NRG1: variants seen among roughly 807,000 people sequenced by gnomAD.
NRG1 encodes pro-neuregulin-1, membrane-bound isoform.
In NRG1, 18 loss-of-function variants were observed where a neutral mutation model predicts 63.8. The observed-to-expected ratio is 0.28, with a 90% CI of 0.19 to 0.42. The LOEUF is 0.42. Among genes scored for constraint, NRG1 ranks in the 10% least tolerant of loss-of-function variants. The pLI, the probability that NRG1 is intolerant of heterozygous loss-of-function variation, is 1.00. For missense variants in NRG1, 762 were observed against 814.7 expected, an observed-to-expected ratio of 0.94 and a Z score of 0.79; for synonymous variants, 302 against 301.3, an observed-to-expected ratio of 1.00 and a Z score of -0.02.
intron 1 of NRG1, among the ~76,000 whole-genome samples, chr8:31,783,478 T>C (rs986994539): frequency 2.0e-5 from 3 of 151,970 alleles, no homozygotes; most frequent in African/African-American, 7.2e-5. Context: ...GGAAACATTG[T>C]CTAGAAATGA....
At chr8:32,397,021 G>A (rs1054668547) in intron 1 of NRG1, among the ~76,000 whole-genome samples, 6 of 152,068 alleles carry the variant, frequency 3.9e-5, no homozygotes, top group Non-Finnish European at 5.9e-5. Context: ...TGTTAGAGGA[G>A]TACCCCACTT....
At chr8:31,751,283 G>T (rs1348610924) in intron 1 of NRG1, among the ~76,000 whole-genome samples, 1 of 152,002 alleles carries the variant, frequency 6.6e-6, no homozygotes, top group Non-Finnish European at 1.5e-5. Context: ...CAAACTCTAG[G>T]TCAGAGGGTA....
intron 1 of NRG1, among the ~76,000 whole-genome samples, chr8:32,170,488 AAG>A (rs1384748642): frequency 1.3e-5 from 2 of 152,144 alleles, no homozygotes; most frequent in Non-Finnish European, 2.9e-5. Flanking sequence ...TGTGCAGATG[AAG>A]AGTCATTAGG....
intron 1 of NRG1, among the ~76,000 whole-genome samples, chr8:31,668,611 T>C (rs7813211): frequency 0.94 from 143,120 of 152,250 alleles, 67,886 homozygotes; most frequent in East Asian, 1. Flanking sequence ...TTGGAATTGC[T>C]TGAATGCTGG....
intron 1 of NRG1, among the ~76,000 whole-genome samples, chr8:31,896,612 C>A (rs1831599989): frequency 6.6e-6 from 1 of 152,208 alleles, no homozygotes. Flanking sequence ...GACATAGCTT[C>A]TTGGACGCCC....
At chr8:32,603,206 T>C (rs1457797660) in intron 2 of NRG1, among the ~76,000 whole-genome samples, 5 of 152,196 alleles carry the variant, frequency 3.3e-5, no homozygotes, top group African/African-American at 1.2e-4. Flanking sequence ...CCGTGGACCA[T>C]TATTTTCAGA....
intron 5 of NRG1, among the ~76,000 whole-genome samples, chr8:32,696,089 A>G (rs1465466378): frequency 1.3e-5 from 2 of 152,138 alleles, no homozygotes; most frequent in African/African-American, 4.8e-5. Flanking sequence ...CCAGGTGGAA[A>G]TGAAGATGGT....
intron 1 of NRG1, among the ~76,000 whole-genome samples, chr8:32,485,400 C>T (rs183721701): frequency 3.3e-5 from 5 of 149,846 alleles, no homozygotes; most frequent in East Asian, 2.0e-4. Flanking sequence ...GCCACACACC[C>T]GGTCTGCTCT....
At position 31,647,453 on chromosome 8, in the gene NRG1, C is replaced by A. The variant is rs140028354; in HGVS notation, c.37+8022C>A. Among the ~76,000 whole-genome samples the A allele has an allele frequency of 5.8e-3, 883 of 152,338 alleles. 12 individuals are homozygous for A. Among genetic ancestry groups the A allele is most frequent in the African/African-American group, 0.02 (839 of 41,574 alleles). ...GGGAGATGATGTGTTATCAGTGAAG[C>A]AGCAGATGTGGTGGCAGCATTTTCC... is the stretch of plus-strand genomic sequence containing the variant. On this transcript the variant is annotated intron_variant, in intron 1 of 10. Coordinates refer to the NRG1 transcript ENST00000519301.
At chr8:32,702,629 G>C (rs1815233113) in intron 5 of NRG1, among the ~76,000 whole-genome samples, 1 of 152,142 alleles carries the variant, frequency 6.6e-6, no homozygotes, top group Non-Finnish European at 1.5e-5. Flanking sequence ...TGGGATTACA[G>C]GCACATACAA....
intron 1 of NRG1, among the ~76,000 whole-genome samples, chr8:31,878,151 C>G (rs2129612418): frequency 6.6e-6 from 1 of 152,250 alleles, no homozygotes; most frequent in South Asian, 2.1e-4. Context: ...TTACTGTATT[C>G]TCACGATTCT....
chr8:32,330,185 T>C (rs1343471228), intron 1 of NRG1, among the ~76,000 whole-genome samples: 2 of 150,658 alleles, frequency 1.3e-5, no homozygotes, highest in Non-Finnish European at 3.0e-5. Context: ...TGTGTCTCAC[T>C]AATAGATTTG....
intron 1 of NRG1, among the ~76,000 whole-genome samples, chr8:32,258,287 T>C (rs1849967035): frequency 6.6e-6 from 1 of 152,204 alleles, no homozygotes; most frequent in African/African-American, 2.4e-5. Context: ...AAAATAAAGA[T>C]TTGACCTTCC....
intron 1 of NRG1, among the ~76,000 whole-genome samples, chr8:32,472,646 G>A (rs577431528): frequency 1.3e-5 from 2 of 152,344 alleles, no homozygotes; most frequent in East Asian, 3.9e-4. Flanking sequence ...CTCTGAGCAA[G>A]TCTTAACCTT....
chr8:32,630,760 T>A (rs1850136356), intron 5 of NRG1, among the ~76,000 whole-genome samples: 1 of 151,882 alleles, frequency 6.6e-6, no homozygotes, highest in Non-Finnish European at 1.5e-5. Flanking sequence ...AAGATGGCAT[T>A]CTCATCCCTG....
At chr8:32,668,307 C>G (rs1309526748) in intron 5 of NRG1, among the ~76,000 whole-genome samples, 1 of 152,108 alleles carries the variant, frequency 6.6e-6, no homozygotes, top group East Asian at 1.9e-4. Flanking sequence ...GCCAGGATTT[C>G]CTGGTAAGAG....
rs534198181 is a variant in NRG1, at chr8:32,552,242, A to G, written c.100+3416A>G. Among the ~76,000 whole-genome samples, 4 of 143,064 alleles carry G rather than the reference A, an allele frequency of 2.8e-5. No individual in the cohort carries two copies. The South Asian group carries it at 6.6e-4, about 24-fold the overall frequency. 93.9% of individuals were successfully genotyped at this position (143,064 alleles called of 152,430 possible). On this transcript the variant is annotated intron_variant, in intron 1 of 11. Coordinates refer to ENST00000356819, the Ensembl canonical transcript of NRG1. ...TTTTTTTTTTTTTAATTTTTGGCCA[A>G]TTGGTATTTGACTCTAAGCTTCCTT... is the stretch of plus-strand genomic sequence containing the variant.
chr8:32,578,241 G>A (rs1389857373), intron 1 of NRG1, among the ~76,000 whole-genome samples: 2 of 152,080 alleles, frequency 1.3e-5, no homozygotes, highest in Non-Finnish European at 2.9e-5. Flanking sequence ...TGATCCACCC[G>A]CCTCAGCCTT....
chr8:32,381,512 A>G (rs181238326), intron 1 of NRG1, among the ~76,000 whole-genome samples: 155 of 152,338 alleles, frequency 1.0e-3, no homozygotes, highest in African/African-American at 3.7e-3. Context: ...AATACTTGAT[A>G]ACAAAATAAA....
Sources: allele counts gnomAD v4.1 joint callset (sites outside exome capture counted in the v4.1 genomes callset), GRCh38; gene constraint gnomAD v4.1.1; transcripts MANE v1.5; gene names NCBI Gene and HGNC (gene_info 2026-07-23, HGNC 2026-07-21).